Variants in UBE2H observed in about 807,000 individuals in gnomAD.
UBE2H encodes the protein ubiquitin conjugating enzyme E2 H.
A neutral mutation model predicts 29.0 loss-of-function variants in UBE2H; 3 were observed. The observed-to-expected ratio is 0.10, with a 90% CI of 0.05 to 0.27. The LOEUF (loss-of-function observed/expected upper bound fraction) is 0.27, where lower values mean the gene tolerates loss of function less well. UBE2H is among the 10% of genes least tolerant of loss of function. The probability of loss-of-function intolerance (pLI) is 1.00; values close to 1 mark genes in which losing one functional copy is unlikely to be tolerated. For missense variants in UBE2H, 68 were observed against 228.2 expected (o/e 0.30, Z 4.52); for synonymous variants, 69 against 82.9 (o/e 0.83, Z 0.91).
At chr7:129,922,857 G>T (rs888926267) in intron 1 of UBE2H, among the ~76,000 whole-genome samples, 2 of 151,988 alleles carry the variant, frequency 1.3e-5, no homozygotes, top group Non-Finnish European at 2.9e-5. Context: ...AAGTAGCTGG[G>T]ACTACAAGTG....
At chr7:129,948,464 C>T (rs1042102514) in intron 1 of UBE2H, among the ~76,000 whole-genome samples, 2 of 152,196 alleles carry the variant, frequency 1.3e-5, no homozygotes, top group African/African-American at 2.4e-5. Context: ...GGGAAGCTGA[C>T]ATTTCTGCCA....
At chr7:129,854,060 G>GGTTTTTTTTTTTTTTTTTATTTTTTTTTA (rs1554430936) in intron 5 of UBE2H, among the ~76,000 whole-genome samples, 1 of 100,312 alleles carries the variant, frequency 1.0e-5, no homozygotes, top group Non-Finnish European at 2.0e-5. Context: ...TTTAGTGTTA[G>GGTTTTTTTTTTTTTTTTTATTTTTTTTTA]TTTTTTTTTT....
At chr7:129,857,680 A>G (rs1013186120) in intron 4 of UBE2H, 117 bp from the exon 5 acceptor site, 2 of 1,114,068 alleles carry the variant, frequency 1.8e-6, no homozygotes, top group Non-Finnish European at 2.6e-6. Flanking sequence ...TGAAAAAAAG[A>G]ATCCCAATTG....
chr7:129,937,007 C>A lies in UBE2H; in HGVS notation c.53+15496G>T, dbSNP rs575295874. ...ATAACAAACAAACAAACAACAACAA[C>A]AAAAAAAACACACAGACTTGAAAAC... is the stretch of plus-strand genomic sequence containing the variant. On this transcript the variant is annotated intron_variant, in intron 1 of 6. Coordinates refer to ENST00000355621, the MANE Select transcript of UBE2H (RefSeq NM_003344.4). 4.1e-4 allele frequency among the ~76,000 whole-genome samples: 62 copies of A among 149,960 alleles called. 1 individual carries two copies. The highest frequency in any genetic ancestry group is 3.2e-3 in the South Asian group (15 of 4,722).
At chr7:129,943,446 G>A (rs1807687939) in intron 1 of UBE2H, among the ~76,000 whole-genome samples, 3 of 152,206 alleles carry the variant, frequency 2.0e-5, no homozygotes, top group Non-Finnish European at 4.4e-5. Context: ...GGGGAGAGAA[G>A]AGTAGCTACC....
At chr7:129,884,489 G>C (rs1425414562) in intron 1 of UBE2H, among the ~76,000 whole-genome samples, 2 of 151,212 alleles carry the variant, frequency 1.3e-5, no homozygotes, top group African/African-American at 2.4e-5. Context: ...ACAAAAATAA[G>C]TGTTTCTGAT....
At position 129,895,982 on chromosome 7, in the gene UBE2H, A is replaced by T. The variant is rs552386519; in HGVS notation, c.54-15011T>A. 1.4e-4 allele frequency among the ~76,000 whole-genome samples: 21 copies of T among 152,282 alleles called. No individual in the cohort carries two copies. The South Asian group carries it at 4.4e-3, about 32-fold the overall frequency. On this transcript the variant is annotated intron_variant, in intron 1 of 6. Transcript: ENST00000355621. ...AAGCAACTTCTCAATAAAAAGCTAA[A>T]TTTAATATGACTTTATGGAGTATCT...
At position 129,913,003 on chromosome 7, in the gene UBE2H, C is replaced by T. The variant is rs1264609424; in HGVS notation, c.54-32032G>A. 2.6e-5 allele frequency among the ~76,000 whole-genome samples: 4 copies of T among 152,168 alleles called. 1 individual carries two copies. In the South Asian group the frequency reaches 8.3e-4, roughly 32 times the overall value. ...GCGGTGGTCACGCCTGTAATCCCAGCACTTTCGGAGGCCAAGGCGGGTGGG... is the reference window on the plus strand; with the variant it reads ...GCGGTGGTCACGCCTGTAATCCCAGTACTTTCGGAGGCCAAGGCGGGTGGG... On this transcript the variant is annotated intron_variant, in intron 1 of 6. Transcript: ENST00000355621.
At chr7:129,908,084 T>C (rs1584779309) in intron 1 of UBE2H, among the ~76,000 whole-genome samples, 1 of 152,184 alleles carries the variant, frequency 6.6e-6, no homozygotes, top group Admixed American at 6.5e-5. Flanking sequence ...CACTGTGTAA[T>C]TTCTATACGA....
intron 5 of UBE2H, among the ~76,000 whole-genome samples, chr7:129,854,060 G>GGTTTTTTTTTT (rs1554430936): frequency 1.0e-5 from 1 of 100,310 alleles, no homozygotes; most frequent in Non-Finnish European, 2.0e-5. Flanking sequence ...TTTAGTGTTA[G>GGTTTTTTTTTT]TTTTTTTTTT....
At chr7:129,945,051 A>G (rs1426624036) in intron 1 of UBE2H, among the ~76,000 whole-genome samples, 1 of 152,228 alleles carries the variant, frequency 6.6e-6, no homozygotes, top group Non-Finnish European at 1.5e-5. Flanking sequence ...CCGCTTATAT[A>G]TACAATTCTA....
intron 5 of UBE2H, among the ~76,000 whole-genome samples, chr7:129,845,123 C>T (rs575036037): frequency 6.6e-6 from 1 of 152,270 alleles, no homozygotes; most frequent in South Asian, 2.1e-4. Flanking sequence ...GAGTGAGACT[C>T]CCAAATCATA....
chr7:129,948,657 A>C (rs1265509002), intron 1 of UBE2H, among the ~76,000 whole-genome samples: 1 of 152,150 alleles, frequency 6.6e-6, no homozygotes, highest in Non-Finnish European at 1.5e-5. Flanking sequence ...TCTACAAAAA[A>C]TGTAAAAATA....
At chr7:129,863,840 G>A (rs1308837309) in intron 3 of UBE2H, among the ~76,000 whole-genome samples, 1 of 128,728 alleles carries the variant, frequency 7.8e-6, no homozygotes, top group Non-Finnish European at 1.8e-5. Flanking sequence ...AGGTCACTTC[G>A]TCACCCAGGC....
At chr7:129,938,968 T>C (rs1807588775) in intron 1 of UBE2H, among the ~76,000 whole-genome samples, 1 of 151,832 alleles carries the variant, frequency 6.6e-6, no homozygotes, top group Admixed American at 6.6e-5. Flanking sequence ...CCAACTAACT[T>C]TTGTATTTTT....
chr7:129,874,434 T>C (rs1228748874), intron 3 of UBE2H, among the ~76,000 whole-genome samples: 1 of 151,892 alleles, frequency 6.6e-6, no homozygotes, highest in Admixed American at 6.5e-5. Flanking sequence ...CTCAGCCTCC[T>C]GAGTAGCTGG....
At chr7:129,943,372 T>C (rs1037738429) in intron 1 of UBE2H, among the ~76,000 whole-genome samples, 8 of 152,260 alleles carry the variant, frequency 5.3e-5, no homozygotes, top group African/African-American at 1.9e-4. Flanking sequence ...GCTTTTGCCA[T>C]GTAGCTCAGG....
At position 129,901,441 on chromosome 7, in the gene UBE2H, T is replaced by C. The variant is rs954408612; in HGVS notation, c.54-20470A>G. 2.6e-5 allele frequency among the ~76,000 whole-genome samples: 4 copies of C among 152,244 alleles called. No homozygotes were observed. The East Asian group carries it at 5.8e-4, about 22-fold the overall frequency. On this transcript the variant is annotated intron_variant, in intron 1 of 6. Coordinates refer to ENST00000355621, the MANE Select transcript of UBE2H (RefSeq NM_003344.4). ...GCGCCACAGGGAGATGCTGGTGGGA[T>C]AGAGGTCGGTGGGGGCTAATGCACA... is the stretch of plus-strand genomic sequence containing the variant.
At position 129,893,644 on chromosome 7, in the gene UBE2H, G is replaced by T. The variant is rs146321802; in HGVS notation, c.54-12673C>A. On this transcript the variant is annotated intron_variant, in intron 1 of 6. Coordinates refer to ENST00000355621, the MANE Select transcript of UBE2H (RefSeq NM_003344.4). ...TGAGAGAAATTCCAACTTCAGTTAC[G>T]CACTTTAAAATATTTAGAAGCTAGA... Among the ~76,000 whole-genome samples the T allele has an allele frequency of 4.4e-3, 670 of 152,266 alleles. 5 individuals are homozygous for T. Among genetic ancestry groups the T allele is most frequent in the African/African-American group, 0.014 (601 of 41,562 alleles).
Sources: allele counts gnomAD v4.1 joint callset (sites outside exome capture counted in the v4.1 genomes callset), GRCh38; gene constraint gnomAD v4.1.1; transcripts MANE v1.5; gene names NCBI Gene and HGNC (gene_info 2026-07-23, HGNC 2026-07-21).